LRCH1: variants seen among roughly 807,000 people sequenced by gnomAD.
The protein encoded by LRCH1 is leucine rich repeats and calponin homology domain containing 1.
A neutral mutation model predicts 94.9 loss-of-function variants in LRCH1; 23 were observed. That is an observed-to-expected ratio of 0.24 (90% CI 0.17 to 0.34). The LOEUF (loss-of-function observed/expected upper bound fraction) is 0.34. LRCH1 is among the 10% of genes least tolerant of loss of function. The pLI is 1.00. For missense variants in LRCH1, 790 were observed against 945.9 expected (o/e 0.84, Z 2.16); for synonymous variants, 364 against 354.9 (o/e 1.03, Z -0.29).
At position 46,744,029 on chromosome 13, in the gene LRCH1, T is replaced by A; in HGVS notation, c.*2181T>A. The A allele has an allele frequency of 1.0e-6, 1 of 985,444 alleles. No individual in the cohort carries two copies. The allele number at this position is 985,444 out of a possible 1,614,324, so 61.0% of individuals were successfully genotyped here. On this transcript the variant is annotated 3_prime_UTR_variant, in exon 20 of 20. Transcript: ENST00000389797. Reference sequence around the variant, plus strand: ...AGTATGGTAACTAGCAGAACACAATTAATTTAGTCCTTTAGGCAAAAATTT... The same window carrying A: ...AGTATGGTAACTAGCAGAACACAATAAATTTAGTCCTTTAGGCAAAAATTT...
chr13:46,750,615 C>T (rs1411439211), exon 19 of LRCH1: 4 of 1,551,856 alleles, frequency 2.6e-6, no homozygotes, highest in Non-Finnish European at 3.5e-6. Flanking sequence ...TCAAGCATTA[C>T]TAGACATCAC....
intron 1 of LRCH1, among the ~76,000 whole-genome samples, chr13:46,557,716 G>C (rs1417523726): frequency 6.6e-6 from 1 of 151,888 alleles, no homozygotes; most frequent in Admixed American, 6.6e-5. Context: ...GGTGGCATGT[G>C]CCTGTAATCT....
chr13:46,640,433 G>A (rs904931733), intron 1 of LRCH1, among the ~76,000 whole-genome samples: 7 of 152,146 alleles, frequency 4.6e-5, no homozygotes, highest in African/African-American at 1.7e-4. Context: ...TAAGTGGTGG[G>A]ACCAGAGTTT....
chr13:46,583,793 C>T (rs2050399916), intron 1 of LRCH1, among the ~76,000 whole-genome samples: 1 of 150,106 alleles, frequency 6.7e-6, no homozygotes. Flanking sequence ...CAGTGTGTCA[C>T]TGTGTCCCCC....
intron 1 of LRCH1, among the ~76,000 whole-genome samples, chr13:46,649,721 CG>C (rs1233950166): frequency 2.0e-5 from 3 of 151,380 alleles, no homozygotes; most frequent in Non-Finnish European, 4.4e-5. Flanking sequence ...CCCAGCTACT[CG>C]AGAGGCTGAG....
intron 1 of LRCH1, among the ~76,000 whole-genome samples, chr13:46,618,451 T>C (rs1457109127): frequency 6.6e-6 from 1 of 152,218 alleles, no homozygotes; most frequent in Non-Finnish European, 1.5e-5. Context: ...GTATAGCTAC[T>C]TTAATTTTAA....
chr13:46,657,808 T>C (rs1389143367), intron 2 of LRCH1, among the ~76,000 whole-genome samples: 1 of 150,320 alleles, frequency 6.7e-6, no homozygotes, highest in Non-Finnish European at 1.5e-5. Context: ...GAATTACAGA[T>C]GTGAGCCACC....
At chr13:46,648,205 C>G (rs577293258) in intron 1 of LRCH1, among the ~76,000 whole-genome samples, 28 of 152,264 alleles carry the variant, frequency 1.8e-4, no homozygotes, top group Admixed American at 2.6e-4. Flanking sequence ...CTCTTGCCTG[C>G]ACAGTTCACA....
intron 1 of LRCH1, among the ~76,000 whole-genome samples, chr13:46,558,930 G>A (rs2050100093): frequency 6.6e-6 from 1 of 152,212 alleles, no homozygotes; most frequent in Non-Finnish European, 1.5e-5. Flanking sequence ...TTGTCAGCCT[G>A]TGGGAATAAC....
At chr13:46,564,654 C>T (rs2050163325) in intron 1 of LRCH1, among the ~76,000 whole-genome samples, 1 of 152,222 alleles carries the variant, frequency 6.6e-6, no homozygotes, top group South Asian at 2.1e-4. Context: ...CTGAGGGAGG[C>T]GTGCAGGAAC....
chr13:46,677,583 A>C (rs1000117289), intron 3 of LRCH1, among the ~76,000 whole-genome samples: 1 of 152,250 alleles, frequency 6.6e-6, no homozygotes, highest in Non-Finnish European at 1.5e-5. Flanking sequence ...ACGAGCACTT[A>C]GTAACAAAAA....
intron 2 of LRCH1, among the ~76,000 whole-genome samples, chr13:46,656,940 T>C (rs2051376540): frequency 6.6e-6 from 1 of 152,336 alleles, no homozygotes; most frequent in South Asian, 2.1e-4. Context: ...TTTCCCATTA[T>C]TACATATCAC....
At chr13:46,657,503 T>TTTTTC (rs2051388782) in intron 2 of LRCH1, among the ~76,000 whole-genome samples, 7 of 20,708 alleles carry the variant, frequency 3.4e-4, no homozygotes, top group African/African-American at 1.8e-3. Flanking sequence ...TTCTTTTCTT[T>TTTTTC]TTTTTTTTTT....
Position 46,711,903 on chromosome 13 carries a change from T to A in LRCH1, c.1581+59T>A, listed in dbSNP as rs1872084484. 4.0e-6 allele frequency: 5 copies of A among 1,255,694 alleles called. No individual in the cohort carries two copies. The Admixed American group carries it at 8.8e-5, about 22-fold the overall frequency. 77.8% of individuals were successfully genotyped at this position (1,255,694 alleles called of 1,614,324 possible). A position where few individuals can be genotyped will look rare whatever the true frequency, so the allele number is the denominator to read the frequency against. ...GTTTCTTGATGGCTGGATTGGAATA[T>A]CTTTTACAGAAATATATAATCTAAG... is the stretch of plus-strand genomic sequence containing the variant. On this transcript the variant is annotated intron_variant, in intron 14 of 19. Transcript: ENST00000389797.
At chr13:46,705,326 C>T (rs1207028466) in intron 13 of LRCH1, 22 bp downstream of exon 13, 4 of 1,608,656 alleles carry the variant, frequency 2.5e-6, no homozygotes, top group Non-Finnish European at 3.4e-6. Context: ...GGTAGATTCA[C>T]CAGAACTCTG....
At chr13:46,665,098 GT>G in intron 2 of LRCH1, among the ~76,000 whole-genome samples, 1 of 152,218 alleles carries the variant, frequency 6.6e-6, no homozygotes, top group South Asian at 2.1e-4. Context: ...TCTGTATTCT[GT>G]TAAGTGAATC....
chr13:46,648,459 C>T (rs571375746), intron 1 of LRCH1, among the ~76,000 whole-genome samples: 1 of 152,332 alleles, frequency 6.6e-6, no homozygotes, highest in East Asian at 1.9e-4. Flanking sequence ...TCCCATCTAT[C>T]CACCACACTG....
intron 2 of LRCH1, among the ~76,000 whole-genome samples, chr13:46,660,843 G>A (rs543103852): frequency 2.0e-5 from 3 of 152,014 alleles, no homozygotes; most frequent in South Asian, 2.1e-4. Context: ...TTATTTCCCC[G>A]GTTCCCTAAT....
intron 4 of LRCH1, 118 bp downstream of exon 4, chr13:46,681,964 G>GTGTA: frequency 1.6e-6 from 1 of 644,052 alleles, no homozygotes; most frequent in Non-Finnish European, 2.7e-6. Flanking sequence ...GTGTGTGTGT[G>GTGTA]TGCCTACTAC....
Sources: allele counts gnomAD v4.1 joint callset (sites outside exome capture counted in the v4.1 genomes callset), GRCh38; gene constraint gnomAD v4.1.1; transcripts MANE v1.5; gene names NCBI Gene and HGNC (gene_info 2026-07-23, HGNC 2026-07-21).